EXOC4: variants seen among roughly 807,000 people sequenced by gnomAD.
EXOC4 encodes exocyst complex component 4.
In EXOC4, 71 loss-of-function variants were observed where a neutral mutation model predicts 107.2. The observed-to-expected ratio is 0.66, with a 90% CI of 0.55 to 0.81. The LOEUF (loss-of-function observed/expected upper bound fraction) is 0.81. EXOC4 is among the 30% of genes least tolerant of loss of function. The probability of loss-of-function intolerance (pLI) is 0.00; values close to 1 mark genes in which losing one functional copy is unlikely to be tolerated. For synonymous variants in EXOC4, 456 were observed against 441.2 expected (o/e 1.03, Z -0.42); for missense variants, 1,108 against 1,189.6 (o/e 0.93, Z 1.01).
intron 7 of EXOC4, among the ~76,000 whole-genome samples, chr7:133,378,155 A>C (rs1414499018): frequency 1.3e-5 from 2 of 151,984 alleles, no homozygotes; most frequent in Admixed American, 6.6e-5. Context: ...TGAAAAATAC[A>C]AAAGAATTAA....
At chr7:134,042,903 G>GGC (rs1429359326) in intron 17 of EXOC4, among the ~76,000 whole-genome samples, 1 of 152,176 alleles carries the variant, frequency 6.6e-6, no homozygotes, top group African/African-American at 2.4e-5. Context: ...TGGCCGTGGT[G>GGC]GCGCATGCCT....
chr7:133,347,493 C>T (rs975539775), intron 5 of EXOC4, among the ~76,000 whole-genome samples: 2 of 152,162 alleles, frequency 1.3e-5, no homozygotes, highest in Non-Finnish European at 2.9e-5. Context: ...CCGCCTGCCT[C>T]AGCCTCCCAA....
chr7:133,825,072 A>T (rs1797668369), intron 11 of EXOC4, among the ~76,000 whole-genome samples: 1 of 151,924 alleles, frequency 6.6e-6, no homozygotes, highest in South Asian at 2.1e-4. Context: ...GCCATTGGCT[A>T]GTCTGGGTGG....
the EXOC4 span, among the ~76,000 whole-genome samples, chr7:134,099,300 C>G: frequency 6.6e-6 from 1 of 151,928 alleles, no homozygotes; most frequent in Non-Finnish European, 1.5e-5. Flanking sequence ...CACCATCCGC[C>G]TCATGCTTTG....
chr7:133,780,668 G>A (rs1585140096), intron 10 of EXOC4, among the ~76,000 whole-genome samples: 1 of 152,210 alleles, frequency 6.6e-6, no homozygotes, highest in South Asian at 2.1e-4. Context: ...GGGCAGGAGT[G>A]GGCCAGTTCA....
At chr7:133,916,700 G>A (rs539083956) in intron 12 of EXOC4, among the ~76,000 whole-genome samples, 1 of 152,318 alleles carries the variant, frequency 6.6e-6, no homozygotes, top group South Asian at 2.1e-4. Context: ...TACTAAAAGA[G>A]ATTCCTGCCT....
intron 9 of EXOC4, among the ~76,000 whole-genome samples, chr7:133,490,469 T>G (rs927594655): frequency 1.3e-5 from 2 of 152,110 alleles, no homozygotes; most frequent in Non-Finnish European, 2.9e-5. Flanking sequence ...GAAGAGAAGT[T>G]TTCCAGGTAA....
chr7:133,253,576 T>A (rs1794943577), intron 1 of EXOC4: 1 of 965,160 alleles, frequency 1.0e-6, no homozygotes, highest in African/African-American at 1.8e-5. Flanking sequence ...TTTCCTGGAC[T>A]TTGGGGTGTA....
chr7:133,827,467 A>G (rs192536093), intron 11 of EXOC4, among the ~76,000 whole-genome samples: 70 of 152,328 alleles, frequency 4.6e-4, no homozygotes, highest in Non-Finnish European at 9.1e-4. Context: ...AAATTATTTA[A>G]CTATATTTAA....
At chr7:133,941,879 C>T (rs1215356444) in intron 14 of EXOC4, among the ~76,000 whole-genome samples, 2 of 130,802 alleles carry the variant, frequency 1.5e-5, no homozygotes, top group African/African-American at 5.5e-5. Context: ...TGTTTTCCTG[C>T]ATTCATCACA....
chr7:133,937,094 G>C (rs1015094650), intron 13 of EXOC4, among the ~76,000 whole-genome samples: 3 of 152,178 alleles, frequency 2.0e-5, no homozygotes, highest in African/African-American at 7.2e-5. Context: ...GGAGCCTCCA[G>C]TTCTTCATCT....
chr7:133,808,107 C>T (rs1292303861), intron 10 of EXOC4, among the ~76,000 whole-genome samples: 2 of 152,172 alleles, frequency 1.3e-5, no homozygotes, highest in East Asian at 3.8e-4. Flanking sequence ...AGCAAATTGT[C>T]TCCTACGGGT....
chr7:134,066,172 GA>G (rs1325434378), downstream of EXOC4: 1 of 152,384 alleles, frequency 6.6e-6, no homozygotes, highest in African/African-American at 2.4e-5. Flanking sequence ...GGGATGAGAG[GA>G]GATTAGGGTT....
intron 7 of EXOC4, among the ~76,000 whole-genome samples, chr7:133,395,280 A>G (rs1796946194): frequency 6.6e-6 from 1 of 152,108 alleles, no homozygotes; most frequent in Non-Finnish European, 1.5e-5. Flanking sequence ...CTCTACCCAC[A>G]TATAAACACC....
At chr7:133,334,782 C>CTCA (rs1438199673) in intron 5 of EXOC4, among the ~76,000 whole-genome samples, 1 of 149,474 alleles carries the variant, frequency 6.7e-6, no homozygotes, top group Admixed American at 6.7e-5. Context: ...TCCATGTGTT[C>CTCA]TCATCATTTA....
chr7:133,742,866 ATAT>A lies in EXOC4; in HGVS notation c.1515-74454_1515-74452del, dbSNP rs201489483. Among the ~76,000 whole-genome samples the A allele has an allele frequency of 3.7e-3, 556 of 152,300 alleles. 2 individuals are homozygous for A. Among genetic ancestry groups the A allele is most frequent in the East Asian group, 0.026 (137 of 5,178 alleles). Reference sequence around the variant, plus strand: ...AATATGTGTTAAAAATACGGGAAACATATTATTTTAACATCAAAAGAGGAACAA... The same window carrying A: ...AATATGTGTTAAAAATACGGGAAACATATTTTAACATCAAAAGAGGAACAA... On this transcript the variant is annotated intron_variant, in intron 10 of 17. Transcript: ENST00000253861.
intron 10 of EXOC4, among the ~76,000 whole-genome samples, chr7:133,651,753 C>T (rs369542880): frequency 6.6e-5 from 10 of 152,244 alleles, no homozygotes; most frequent in South Asian, 4.1e-4. Flanking sequence ...GGCATGATCT[C>T]GACTCACTGC....
At position 133,847,537 on chromosome 7, in the gene EXOC4, ATTT is replaced by A. The variant is rs34297470; in HGVS notation, c.1734+30010_1734+30012del. ...ACAGGCCTGTGCCACTACACCAGCT[ATTT>A]TTTTTTTTTTTTTTTTGTATTTTTA... On this transcript the variant is annotated intron_variant, in intron 11 of 17. Transcript: ENST00000253861. Among the ~76,000 whole-genome samples, 1,121 of 127,162 alleles carry A rather than the reference ATTT, an allele frequency of 8.8e-3. 5 individuals carry two copies. Among genetic ancestry groups the A allele is most frequent in the Middle Eastern group, 0.021 (5 of 240 alleles). The allele number at this position is 127,162 out of a possible 152,430, so 83.4% of individuals were successfully genotyped here. A position where few individuals can be genotyped will look rare whatever the true frequency, so the allele number is the denominator to read the frequency against.
At chr7:133,803,041 A>G (rs896931372) in intron 10 of EXOC4, among the ~76,000 whole-genome samples, 3 of 152,190 alleles carry the variant, frequency 2.0e-5, no homozygotes, top group Admixed American at 2.0e-4. Context: ...TAAATGCAAA[A>G]CTAACTTTTG....
Sources: gnomAD v4.1 joint callset for allele counts (sites outside exome capture counted in the v4.1 genomes callset) on GRCh38, gnomAD v4.1.1 for gene constraint, MANE v1.5 for transcripts, NCBI Gene and HGNC (gene_info 2026-07-23, HGNC 2026-07-21) for gene names.